The following NCKAP5 variants were observed in gnomAD, a reference collection of about 807,000 sequenced individuals.
NCKAP5 encodes NCK associated protein 5.
In NCKAP5, 92 loss-of-function variants were observed where a neutral mutation model predicts 167.0. The observed-to-expected ratio is 0.55, with a 90% CI of 0.47 to 0.66. NCKAP5 has a LOEUF of 0.66. Ranked by LOEUF, NCKAP5 falls within the 30% of genes least tolerant of loss-of-function variation. The pLI is 0.00. For missense variants in NCKAP5, 2,378 were observed against 2,315.0 expected (o/e 1.03, Z -0.56); for synonymous variants, 891 against 877.4 (o/e 1.02, Z -0.27).
chr2:133,075,837 A>G (rs939443019), intron 6 of NCKAP5, among the ~76,000 whole-genome samples: 3 of 152,174 alleles, frequency 2.0e-5, no homozygotes, highest in Admixed American at 2.0e-4. Context: ...GCCAAAAATA[A>G]AATGGAAGAC....
chr2:133,534,697 A>G (rs1685622219), intron 2 of NCKAP5, among the ~76,000 whole-genome samples: 1 of 152,198 alleles, frequency 6.6e-6, no homozygotes, highest in East Asian at 1.9e-4. Flanking sequence ...CTAATATTCT[A>G]TTATATGGGT....
At chr2:133,318,179 C>G (rs955098603) in intron 3 of NCKAP5, among the ~76,000 whole-genome samples, 5 of 152,148 alleles carry the variant, frequency 3.3e-5, no homozygotes, top group African/African-American at 1.2e-4. Context: ...CAGTCAATTG[C>G]CAATCATACA....
intron 3 of NCKAP5, among the ~76,000 whole-genome samples, chr2:133,465,474 T>G (rs1024969464): frequency 1.3e-5 from 2 of 152,042 alleles, no homozygotes; most frequent in Non-Finnish European, 2.9e-5. Context: ...AACACACGTG[T>G]GCATGTGTCT....
chr2:132,826,175 T>A (rs1194917508), intron 11 of NCKAP5, among the ~76,000 whole-genome samples: 1 of 152,224 alleles, frequency 6.6e-6, no homozygotes, highest in African/African-American at 2.4e-5. Flanking sequence ...CTTTGGAGTG[T>A]AAATTTTTAA....
At chr2:133,123,000 T>C (rs1335713609) in intron 6 of NCKAP5, 1 of 152,152 alleles carries the variant, frequency 6.6e-6, no homozygotes, top group Non-Finnish European at 1.5e-5. Context: ...ATTAAGCTAC[T>C]TAGAGGTACA....
intron 3 of NCKAP5, among the ~76,000 whole-genome samples, chr2:133,406,460 G>A (rs1211881777): frequency 6.6e-6 from 1 of 152,232 alleles, no homozygotes; most frequent in East Asian, 1.9e-4. Flanking sequence ...AGAGGGCAAA[G>A]GGAAGGGCTT....
intron 4 of NCKAP5, among the ~76,000 whole-genome samples, chr2:133,297,166 A>AGTGTGTGTGTGTGTGT (rs60321858): frequency 4.6e-4 from 65 of 142,172 alleles, no homozygotes; most frequent in African/African-American, 1.5e-3. Context: ...AGGTTGTCAC[A>AGTGTGTGTGTGTGTGT]GTGTGTGTGT....
At chr2:133,555,152 G>C in intron 2 of NCKAP5, among the ~76,000 whole-genome samples, 1 of 152,172 alleles carries the variant, frequency 6.6e-6, no homozygotes, top group South Asian at 2.1e-4. Context: ...TTCACCCTGT[G>C]TTCCATTGGG....
At chr2:132,957,879 C>G (rs964650828) in intron 8 of NCKAP5, among the ~76,000 whole-genome samples, 8 of 152,182 alleles carry the variant, frequency 5.3e-5, no homozygotes, top group Non-Finnish European at 1.2e-4. Context: ...CACAGGGTTT[C>G]CACACTCAGT....
In NCKAP5 at chr2:133,186,520, A is replaced by G. The variant is rs549283496; in HGVS notation, c.207+27196T>C. 2.6e-5 allele frequency among the ~76,000 whole-genome samples: 4 copies of G among 152,232 alleles called. No homozygotes were observed. The East Asian group carries it at 7.7e-4, about 29-fold the overall frequency. On this transcript the variant is annotated intron_variant, in intron 5 of 19. Coordinates refer to ENST00000409261, the MANE Select transcript of NCKAP5 (RefSeq NM_207363.3). ...CTCCTCAATTTTTTGGAATAGTTCT[A>G]GTAAGACTGGTACAAGTTTTTGTAC... is the stretch of plus-strand genomic sequence containing the variant.
intron 7 of NCKAP5, among the ~76,000 whole-genome samples, chr2:132,975,097 A>AGG (rs1465452684): frequency 2.1e-3 from 323 of 152,346 alleles, no homozygotes; most frequent in African/African-American, 6.8e-3. Context: ...TGTTCAGCAC[A>AGG]AGCATACTAA....
At chr2:133,594,272 T>G in the NCKAP5 span, among the ~76,000 whole-genome samples, 1 of 152,210 alleles carries the variant, frequency 6.6e-6, no homozygotes, top group Non-Finnish European at 1.5e-5. Flanking sequence ...CTTCGTTGGC[T>G]GGGAGGAAAC....
chr2:132,809,574 A>G (rs952742399), intron 11 of NCKAP5, among the ~76,000 whole-genome samples: 3 of 152,144 alleles, frequency 2.0e-5, no homozygotes, highest in Non-Finnish European at 4.4e-5. Context: ...TGCCTGATCT[A>G]AGAATAGCTA....
In NCKAP5 at chr2:133,009,556, T is replaced by TATTC. The variant is rs2078082119; in HGVS notation, c.342-15321_342-15318dup. ...TAATATGAATAATTGTTTCCTGATG[T>TATTC]ATTCATTCATTCATGTATCCCCTCA... is the stretch of plus-strand genomic sequence containing the variant. On this transcript the variant is annotated intron_variant, in intron 6 of 19. Coordinates refer to ENST00000409261, the MANE Select transcript of NCKAP5 (RefSeq NM_207363.3). Among the ~76,000 whole-genome samples the TATTC allele has an allele frequency of 2.0e-5, 3 of 152,222 alleles. No individual in the cohort carries two copies. The South Asian group carries it at 6.2e-4, about 32-fold the overall frequency.
At chr2:133,542,889 C>G (rs1412797132) in intron 2 of NCKAP5, among the ~76,000 whole-genome samples, 1 of 152,130 alleles carries the variant, frequency 6.6e-6, no homozygotes, top group African/African-American at 2.4e-5. Context: ...CTGGTCTCTA[C>G]TTTTCTTATT....
At position 132,782,785 on chromosome 2, in the gene NCKAP5, C is replaced by T. The variant is rs375264981; in HGVS notation, c.4026G>A (p.Ser1342=). ...AGCCCTTCCCGGAGGAGGGGTGCCC[C>T]GAGGGCCTCCCAACACTGGGGAGAC... ...LESLPSVGRP[S]GHPSSGKGSL... Residue 1342 remains serine, a synonymous_variant, in exon 14 of 20, where the codon TCG becomes TCA. Transcript: ENST00000409261. The T allele has an allele frequency of 1.7e-5, 27 of 1,613,688 alleles. No homozygotes were observed. In the African/African-American group the frequency reaches 2.5e-4, roughly 15 times the overall value.
rs1301881055 is a variant in NCKAP5, at chr2:132,714,802, G to C, written c.5713+10825C>G. On this transcript the variant is annotated intron_variant, in intron 19 of 19. Transcript: ENST00000409261. ...CACTCCAGTCTGGGTGACAGAGTGAGAATCCATCTCAAAAAAAAAAAAAAA... is the reference window on the plus strand; with the variant it reads ...CACTCCAGTCTGGGTGACAGAGTGACAATCCATCTCAAAAAAAAAAAAAAA... 1.4e-5 allele frequency: 6 copies of C among 414,510 alleles called. No individual in the cohort carries two copies. The East Asian group carries it at 4.6e-4, about 32-fold the overall frequency. 25.7% of individuals were successfully genotyped at this position (414,510 alleles called of 1,614,324 possible).
chr2:132,894,436 A>G (rs1404413867), intron 8 of NCKAP5, among the ~76,000 whole-genome samples: 3 of 152,212 alleles, frequency 2.0e-5, no homozygotes, highest in Non-Finnish European at 4.4e-5. Flanking sequence ...CTTGCCATGT[A>G]ATGACTTTTT....
chr2:133,601,332 G>A, the NCKAP5 span, among the ~76,000 whole-genome samples: 1 of 152,216 alleles, frequency 6.6e-6, no homozygotes, highest in Non-Finnish European at 1.5e-5. Flanking sequence ...GGAACAGGAA[G>A]ACTCACCCAC....
Sources: allele counts gnomAD v4.1 joint callset (sites outside exome capture counted in the v4.1 genomes callset), GRCh38; gene constraint gnomAD v4.1.1; transcripts MANE v1.5; gene names NCBI Gene and HGNC (gene_info 2026-07-23, HGNC 2026-07-21).